The following ARF5 variants were observed in gnomAD, a reference collection of about 807,000 sequenced individuals.
The protein encoded by ARF5 is ADP-ribosylation factor 5.
ARF5 carries 10 observed loss-of-function variants against 24.8 expected under a neutral mutation model. The observed-to-expected ratio is 0.40, with a 90% CI of 0.25 to 0.68. ARF5 has a LOEUF of 0.68. Ranked by LOEUF, ARF5 falls within the 30% of genes least tolerant of loss-of-function variation. The pLI is 0.36. For missense variants in ARF5, 135 were observed against 239.2 expected (o/e 0.56, Z 2.87); for synonymous variants, 102 against 95.1 (o/e 1.07, Z -0.42).
chr7:127,588,608 C>T (rs909324552), intron 1 of ARF5, 43 bp downstream of exon 1: 2 of 1,300,120 alleles, frequency 1.5e-6, no homozygotes, highest in African/African-American at 1.5e-5. Flanking sequence ...GGCGCCGGCC[C>T]CGGCGCAGCC....
chr7:127,591,395 A>G lies in ARF5; in HGVS notation c.*96A>G. 1.8e-6 allele frequency: 2 copies of G among 1,095,708 alleles called. No homozygotes were observed. The highest frequency in any genetic ancestry group is 2.5e-6 in the Non-Finnish European group (2 of 786,000). The allele number at this position is 1,095,708 out of a possible 1,614,324, so 67.9% of individuals were successfully genotyped here. ...TCCTCAGGCAGTGCCCTTTCCTCCC[A>G]CTTTTCCTCCCCCATAGCCACAGGC... is the stretch of plus-strand genomic sequence containing the variant. On this transcript the variant is annotated 3_prime_UTR_variant, in exon 6 of 6. Transcript: ENST00000000233.
At position 127,589,552 on chromosome 7, in the gene ARF5, C is replaced by T. The variant is rs767556326; in HGVS notation, c.216C>T (p.Asp72=). 1 of 1,614,056 alleles carries T rather than the reference C, an allele frequency of 6.2e-7. No individual in the cohort carries two copies. Among genetic ancestry groups the T allele is most frequent in the Non-Finnish European group, 8.5e-7 (1 of 1,179,980 alleles). Residue 72 remains aspartate (D), a synonymous_variant, in exon 3 of 6, where the codon GAC becomes GAT. Coordinates refer to ENST00000000233, the MANE Select transcript of ARF5 (RefSeq NM_001662.4). ...CFTVWDVGGQ[D]KIRPLWRHYF... ...CAGTCTGGGACGTGGGAGGCCAGGA[C>T]AAGATTCGGCCTCTGTGGCGGCACT...
intron 4 of ARF5, 139 bp downstream of exon 4, chr7:127,590,276 G>T: frequency 1.5e-6 from 1 of 677,322 alleles, no homozygotes. Context: ...GACACATTGT[G>T]TATCTCACCC....
chr7:127,590,928 C>T, intron 4 of ARF5, 35 bp from the exon 5 acceptor site: 1 of 1,597,348 alleles, frequency 6.3e-7, no homozygotes. Context: ...AGAGGAGACG[C>T]AGCCTGGGTC....
chr7:127,589,268 A>G, intron 2 of ARF5, 105 bp downstream of exon 2: 1 of 1,354,258 alleles, frequency 7.4e-7, no homozygotes, highest in Non-Finnish European at 1.0e-6. Flanking sequence ...CACCAGATAC[A>G]GCTATTTGAG....
In ARF5 at chr7:127,591,000, T is replaced by A; in HGVS notation, c.368T>A (p.Val123Glu). The A allele has an allele frequency of 6.2e-7, 1 of 1,613,998 alleles. No individual in the cohort carries two copies. The highest frequency in any genetic ancestry group is 8.5e-7 in the Non-Finnish European group (1 of 1,179,974). Residue 123 changes from valine to glutamate, a missense_variant, in exon 5 of 6, where the codon GTA becomes GAA. Physicochemically the swap from Val to Glu is moderately radical, Grantham distance 121. This residue lies in a region of ARF5 where 102 missense variants were observed against 160.9 expected (regional missense o/e 0.63). Coordinates refer to ENST00000000233, the MANE Select transcript of ARF5 (RefSeq NM_001662.4). ...EDELRDAVLL[V>E]FANKQDMPNA... Reference sequence around the variant, plus strand: ...GAGCTGCGGGATGCAGTGCTGCTGGTATTTGCCAACAAGCAGGACATGCCC... The same window carrying A: ...GAGCTGCGGGATGCAGTGCTGCTGGAATTTGCCAACAAGCAGGACATGCCC...
chr7:127,589,349 C>T (rs1794251016), intron 2 of ARF5, 136 bp from the exon 3 acceptor site: 15 of 1,057,960 alleles, frequency 1.4e-5, no homozygotes, highest in Non-Finnish European at 2.1e-5. Flanking sequence ...CCCTGTTGAC[C>T]GCCAGTTCTG....
intron 3 of ARF5, 138 bp downstream of exon 3, chr7:127,589,732 C>G: frequency 1.5e-6 from 1 of 667,324 alleles, no homozygotes; most frequent in South Asian, 1.9e-5. Flanking sequence ...TTTGGCTATC[C>G]CCTACTCACT....
chr7:127,589,833 T>C, intron 3 of ARF5: 1 of 608,094 alleles, frequency 1.6e-6, no homozygotes, highest in Non-Finnish European at 2.9e-6. Flanking sequence ...CCTCATAACA[T>C]GTCTTTATTT....
intron 5 of ARF5, 24 bp from the exon 6 acceptor site, chr7:127,591,189 C>A: frequency 6.2e-7 from 1 of 1,606,906 alleles, no homozygotes; most frequent in South Asian, 1.1e-5. Flanking sequence ...GGTTGCTGAC[C>A]TCTTTCTTTC....
intron 1 of ARF5, 133 bp downstream of exon 1, chr7:127,588,698 T>TCTGCTCTCGGGCGGGTCCC: frequency 1.1e-6 from 1 of 899,888 alleles, no homozygotes; most frequent in Non-Finnish European, 1.5e-6. Context: ...CCCCGGGGCC[T>TCTGCTCTCGGGCGGGTCCC]CTGCTCTCGG....
rs572157049 is a variant in ARF5 at position 127,591,088 on chromosome 7, G to A, written c.456G>A (p.Thr152=). The A allele has an allele frequency of 2.5e-5, 40 of 1,613,820 alleles. No homozygotes were observed. The highest frequency in any genetic ancestry group is 1.6e-4 in the Middle Eastern group (1 of 6,080). The change falls in exon 5 of 6, where the codon ACG becomes ACA. Residue 152 remains threonine (T), a splice_region_variant and synonymous_variant. Transcript: ENST00000000233. The stretch of plus-strand genomic sequence containing the variant: ...GGCTACAGCACTTACGCAGCCGCAC[G>A]GTAGGGGTCCTGCCCACCTGGTGCT... ...KLGLQHLRSR[T]WYVQATCATQ...
At chr7:127,588,725 A>C (rs1030720635) in intron 1 of ARF5, 160 bp downstream of exon 1, 1 of 748,488 alleles carries the variant, frequency 1.3e-6, no homozygotes, top group Admixed American at 3.8e-5. Flanking sequence ...CCCGGTCTGC[A>C]TCGCCGACCC....
At chr7:127,590,849 C>T in intron 4 of ARF5, 114 bp from the exon 5 acceptor site, 2 of 1,366,984 alleles carry the variant, frequency 1.5e-6, no homozygotes, top group Non-Finnish European at 2.0e-6. Flanking sequence ...TCTTCAACGG[C>T]AGACTGCACA....
In ARF5 at chr7:127,590,951, C is replaced by T; in HGVS notation, c.331-12C>T. The T allele has an allele frequency of 6.2e-7, 1 of 1,610,642 alleles. No homozygotes were observed. On this transcript the variant is annotated splice_polypyrimidine_tract_variant and intron_variant, in intron 4 of 5. Coordinates refer to ENST00000000233, the MANE Select transcript of ARF5 (RefSeq NM_001662.4). ...CGCAGCCTGGGTCCCACCTTCTCTT[C>T]TCCTCTCTCAGCTGCAGGAGGACGA... is the stretch of plus-strand genomic sequence containing the variant.
At chr7:127,589,637 T>C in intron 3 of ARF5, 43 bp downstream of exon 3, 1 of 1,482,972 alleles carries the variant, frequency 6.7e-7, no homozygotes, top group Admixed American at 1.9e-5. Context: ...CGGGAAAAGG[T>C]GTTAGGGCTG....
In ARF5 at chr7:127,591,406, C is replaced by A; in HGVS notation, c.*107C>A. 1.0e-6 allele frequency: 1 copy of A among 966,534 alleles called. No homozygotes were observed. Among genetic ancestry groups the A allele is most frequent in the Non-Finnish European group, 1.5e-6 (1 of 671,292 alleles). The allele number at this position is 966,534 out of a possible 1,614,324, so 59.9% of individuals were successfully genotyped here. On this transcript the variant is annotated 3_prime_UTR_variant, in exon 6 of 6. Coordinates refer to ENST00000000233, the MANE Select transcript of ARF5 (RefSeq NM_001662.4). ...TGCCCTTTCCTCCCACTTTTCCTCCCCCATAGCCACAGGCCTCTGCTCCTG... is the reference window on the plus strand; with the variant it reads ...TGCCCTTTCCTCCCACTTTTCCTCCACCATAGCCACAGGCCTCTGCTCCTG...
chr7:127,589,748 G>A lies in ARF5; in HGVS notation c.258+154G>A, dbSNP rs1794256923. The A allele has an allele frequency of 5.0e-5, 32 of 639,520 alleles. 3 individuals carry two copies. In the South Asian group the frequency reaches 6.2e-4, roughly 12 times the overall value. The allele number at this position is 639,520 out of a possible 1,614,324, so 39.6% of individuals were successfully genotyped here. On this transcript the variant is annotated intron_variant, in intron 3 of 5. Coordinates refer to ENST00000000233, the MANE Select transcript of ARF5 (RefSeq NM_001662.4). ...TTGGCTATCCCCTACTCACTCTTCA[G>A]AACTCACCTTAGTCTTCCCCAGCTT...
At chr7:127,588,848 C>G (rs1163403752) in intron 1 of ARF5, 5 of 573,400 alleles carry the variant, frequency 8.7e-6, no homozygotes, top group Non-Finnish European at 1.5e-5. Context: ...AAAACGAGCG[C>G]GGCCTACCTC....
Sources: allele counts gnomAD v4.1 joint callset, GRCh38; gene constraint gnomAD v4.1.1; regional missense constraint gnomAD v4.1.1; transcripts MANE v1.5; gene names NCBI Gene and HGNC (gene_info 2026-07-23, HGNC 2026-07-21).